RAPGEF1: variants seen among roughly 807,000 people sequenced by gnomAD.
RAPGEF1 encodes CRK SH3-binding GNRP.
Under a neutral mutation model 143.3 loss-of-function variants are expected in RAPGEF1, and 33 were observed. That is an observed-to-expected ratio of 0.23 (90% confidence interval 0.17 to 0.31). The LOEUF (loss-of-function observed/expected upper bound fraction) is 0.31, where lower values mean the gene tolerates loss of function less well. RAPGEF1 is among the 10% of genes least tolerant of loss of function. The pLI is 1.00. For synonymous variants in RAPGEF1, 629 were observed against 676.5 expected, an observed-to-expected ratio of 0.93 and a Z score of 1.09; for missense variants, 1,199 against 1,645.4, an observed-to-expected ratio of 0.73 and a Z score of 4.69.
At position 131,577,886 on chromosome 9, in the gene RAPGEF1, A is replaced by AG. The variant is rs1417005756; in HGVS notation, c.*1610dup. 6.6e-6 allele frequency: 1 copy of AG among 152,176 alleles called. No homozygotes were observed. The highest frequency in any genetic ancestry group is 1.5e-5 in the Non-Finnish European group (1 of 68,024). 9.4% of individuals were successfully genotyped at this position (152,176 alleles called of 1,614,324 possible). A position where few individuals can be genotyped will look rare whatever the true frequency, so the allele number is the denominator to read the frequency against. ...CTACAGGACAAACAAAACACGGGAG[A>AG]GGGGAAAAAGCCCACATTTTCTTCT... On this transcript the variant is annotated 3_prime_UTR_variant, in exon 27 of 27. Transcript: ENST00000683357.
chr9:131,623,927 C>T (rs1962099631), intron 10 of RAPGEF1, among the ~76,000 whole-genome samples: 2 of 152,194 alleles, frequency 1.3e-5, no homozygotes, highest in South Asian at 4.1e-4. Context: ...GCATTTTCCA[C>T]AAGGTCACCT....
At chr9:131,619,245 AG>A (rs1959982291) in intron 11 of RAPGEF1, 39 bp from the exon 12 acceptor site, 3 of 1,292,878 alleles carry the variant, frequency 2.3e-6, no homozygotes, top group Non-Finnish European at 3.1e-6. Context: ...GCAGGGAAGG[AG>A]GGAGAGAAGC....
At position 131,628,638 on chromosome 9, in the gene RAPGEF1, A is replaced by G; in HGVS notation, c.928T>C (p.Ser310Pro). Residue 310 changes from serine to proline, a missense_variant, in exon 8 of 27, where the codon TCG becomes CCG. This residue lies in a region of RAPGEF1 where 613 missense variants were observed against 710.9 expected (regional missense o/e 0.86). Coordinates refer to ENST00000683357, the MANE Select transcript of RAPGEF1 (RefSeq NM_001377935.1). The surrounding 1 kb of genome is among the most constrained non-coding windows in gnomAD (Gnocchi z 5.7). The part of the protein sequence containing the change: ...PPALPPKKRQ[S>P]APSPTRVAVV... ...GCCACTCGGGTAGGGGACGGCGCCGACTGTCTTTTCTTGGGTGGCAATGCT... is the reference window on the plus strand; with the variant it reads ...GCCACTCGGGTAGGGGACGGCGCCGGCTGTCTTTTCTTGGGTGGCAATGCT... 6.2e-7 allele frequency: 1 copy of G among 1,610,218 alleles called. No individual in the cohort carries two copies. The highest frequency in any genetic ancestry group is 1.7e-4 in the Middle Eastern group (1 of 6,054).
chr9:131,737,673 T>TA (rs1032186256), intron 1 of RAPGEF1: 49 of 1,178,066 alleles, frequency 4.2e-5, no homozygotes, highest in Admixed American at 2.8e-4. Context: ...TTCCTTTTTT[T>TA]AAAAAAAGAG....
At chr9:131,735,284 G>A (rs557956162) in intron 1 of RAPGEF1, among the ~76,000 whole-genome samples, 1 of 152,268 alleles carries the variant, frequency 6.6e-6, no homozygotes. Context: ...AGGAGGCCTT[G>A]GTCTGCTCCC....
At chr9:131,618,803 A>G (rs1220705812) in intron 12 of RAPGEF1, among the ~76,000 whole-genome samples, 1 of 152,240 alleles carries the variant, frequency 6.6e-6, no homozygotes, top group African/African-American at 2.4e-5. Flanking sequence ...CTGTCAGTTT[A>G]TGCCAGACTG....
intron 3 of RAPGEF1, among the ~76,000 whole-genome samples, chr9:131,645,233 A>G (rs1349673098): frequency 2.0e-5 from 3 of 152,250 alleles, no homozygotes; most frequent in African/African-American, 7.2e-5. Context: ...AGATGTGCCT[A>G]AAGCCATGGT....
intron 5 of RAPGEF1, among the ~76,000 whole-genome samples, chr9:131,634,147 G>A (rs1019684857): frequency 2.0e-5 from 3 of 152,120 alleles, no homozygotes; most frequent in South Asian, 2.1e-4. Flanking sequence ...CAGCTACTCC[G>A]GAGGCTGAGG....
At chr9:131,686,374 C>G (rs1218115344) in intron 1 of RAPGEF1, among the ~76,000 whole-genome samples, 5 of 152,196 alleles carry the variant, frequency 3.3e-5, no homozygotes, top group Admixed American at 3.3e-4. Flanking sequence ...AGACAACTGG[C>G]TCTGTGGGTC....
At chr9:131,727,678 G>A (rs1836766951) in intron 1 of RAPGEF1, among the ~76,000 whole-genome samples, 1 of 152,192 alleles carries the variant, frequency 6.6e-6, no homozygotes, top group African/African-American at 2.4e-5. Context: ...CCGCACCCCT[G>A]CAGCACAGGC....
At chr9:131,734,802 T>A (rs1837312019) in intron 1 of RAPGEF1, among the ~76,000 whole-genome samples, 2 of 152,192 alleles carry the variant, frequency 1.3e-5, no homozygotes, top group Non-Finnish European at 2.9e-5. Context: ...ATGCAGTCAT[T>A]ATAAATTTCT....
intron 1 of RAPGEF1, among the ~76,000 whole-genome samples, chr9:131,730,546 T>C (rs1371071295): frequency 6.6e-6 from 1 of 151,042 alleles, no homozygotes; most frequent in East Asian, 1.9e-4. Flanking sequence ...AATACAAAAA[T>C]TAGCCGGGCG....
At chr9:131,593,430 G>A (rs1954704096) in intron 17 of RAPGEF1, among the ~76,000 whole-genome samples, 2 of 152,232 alleles carry the variant, frequency 1.3e-5, no homozygotes, top group Non-Finnish European at 1.5e-5. Context: ...GCTGAGGTGT[G>A]AGGCCCAAGG....
chr9:131,643,613 C>G (rs1278585602), intron 3 of RAPGEF1, among the ~76,000 whole-genome samples, 196 bp from the exon 4 acceptor site: 10 of 152,132 alleles, frequency 6.6e-5, no homozygotes, highest in Non-Finnish European at 1.5e-4. Flanking sequence ...AAGAAGGGGG[C>G]TTGGACCAAG....
At chr9:131,582,759 C>A in intron 24 of RAPGEF1, 57 bp from the exon 25 acceptor site, 1 of 1,442,686 alleles carries the variant, frequency 6.9e-7, no homozygotes, top group Non-Finnish European at 9.3e-7. Context: ...TGGGGCAATG[C>A]TGGGGCAGAG....
intron 26 of RAPGEF1, among the ~76,000 whole-genome samples, 174 bp downstream of exon 26, chr9:131,580,089 G>A (rs1951636680): frequency 6.6e-6 from 1 of 152,242 alleles, no homozygotes; most frequent in African/African-American, 2.4e-5. Context: ...GGAGCCTGGT[G>A]GGCATGCTCT....
Position 131,602,221 on chromosome 9 carries a change from C to T in RAPGEF1, c.2413-72G>A, listed in dbSNP as rs960619233. Reference sequence around the variant, plus strand: ...GGGCTGCTCTGTCTTCCCAGCATTCCTGCCTGCAAGTGGCTGTGGAGTGCA... The same window carrying T: ...GGGCTGCTCTGTCTTCCCAGCATTCTTGCCTGCAAGTGGCTGTGGAGTGCA... On this transcript the variant is annotated intron_variant, in intron 14 of 26. Coordinates refer to ENST00000683357, the MANE Select transcript of RAPGEF1 (RefSeq NM_001377935.1). 11 of 1,189,110 alleles carry T rather than the reference C, an allele frequency of 9.3e-6. No homozygotes were observed. In the African/African-American group the frequency reaches 1.4e-4, roughly 15 times the overall value. 73.7% of individuals were successfully genotyped at this position (1,189,110 alleles called of 1,614,324 possible). A position where few individuals can be genotyped will look rare whatever the true frequency, so the allele number is the denominator to read the frequency against.
chr9:131,716,332 C>A lies in RAPGEF1; in HGVS notation c.61+23438G>T, dbSNP rs193201120. On this transcript the variant is annotated intron_variant, in intron 1 of 26. Transcript: ENST00000683357. ...AGGGCAATCAGGGCTCAGCATCCAG[C>A]CTTCTGAAGAAGCTGTTTACTTGTT... Among the ~76,000 whole-genome samples the A allele has an allele frequency of 1.2e-4, 19 of 152,338 alleles. No homozygotes were observed. The East Asian group carries it at 3.7e-3, about 29-fold the overall frequency.
chr9:131,592,116 G>A lies in RAPGEF1; in HGVS notation c.2757C>T (p.Ile919=). The change falls in exon 18 of 27, where the codon ATC becomes ATT. Residue 919 remains isoleucine (I), a synonymous_variant. Transcript: ENST00000683357. The part of the protein sequence containing the change: ...YRTFISPEEL[I]KKLQYRYEKF... ...AAGGATATCTGTACTGCAGCTTCTT[G>A]ATGAGCTCCTCTGGGGAGATGAAGG... is the stretch of plus-strand genomic sequence containing the variant. 1 of 1,611,456 alleles carries A rather than the reference G, an allele frequency of 6.2e-7. No individual in the cohort carries two copies. The highest frequency in any genetic ancestry group is 8.5e-7 in the Non-Finnish European group (1 of 1,177,590).
Sources: gnomAD v4.1 joint callset for allele counts (sites outside exome capture counted in the v4.1 genomes callset) on GRCh38, gnomAD v4.1.1 for gene constraint, gnomAD v4.1.1 regional missense constraint, Gnocchi (gnomAD v3.1) non-coding constraint, MANE v1.5 for transcripts, NCBI Gene and HGNC (gene_info 2026-07-23, HGNC 2026-07-21) for gene names.